Variants in NAALADL2 observed in about 807,000 individuals in gnomAD.
NAALADL2 encodes the protein inactive N-acetylated-alpha-linked acidic dipeptidase-like protein 2.
In NAALADL2, 76 loss-of-function variants were observed where a neutral mutation model predicts 87.2. The observed-to-expected ratio is 0.87, with a 90% CI of 0.72 to 1.05. NAALADL2 has a LOEUF of 1.05. NAALADL2 is among the 50% of genes least tolerant of loss of function. The pLI, the probability that NAALADL2 is intolerant of heterozygous loss-of-function variation, is 0.00. For synonymous variants in NAALADL2, 354 were observed against 331.0 expected (o/e 1.07, Z -0.75); for missense variants, 1,089 against 945.8 (o/e 1.15, Z -1.99).
chr3:174,662,129 AAAAT>A lies in NAALADL2; in HGVS notation c.-114-75511_-114-75508del, dbSNP rs1725563217. On this transcript the variant is annotated intron_variant, in intron 2 of 3. Coordinates refer to the NAALADL2 transcript ENST00000434257. ...ACAAAGTTATTTTGAAAATTTAAAA[AAAAT>A]TATCTAAATCTCCTAGCACAGGCCC... is the stretch of plus-strand genomic sequence containing the variant. Among the ~76,000 whole-genome samples, 3 of 152,290 alleles carry A rather than the reference AAAAT, an allele frequency of 2.0e-5. No individual in the cohort carries two copies. The South Asian group carries it at 6.2e-4, about 32-fold the overall frequency.
At chr3:174,503,193 C>T (rs1424730603) in intron 1 of NAALADL2, among the ~76,000 whole-genome samples, 3 of 152,076 alleles carry the variant, frequency 2.0e-5, no homozygotes, top group Non-Finnish European at 4.4e-5. Flanking sequence ...CATCAAGGGA[C>T]ATATAGGACA....
At chr3:174,855,980 GTATATATATA>G (rs57039020), upstream of NAALADL2, among the ~76,000 whole-genome samples, 2 of 142,904 alleles carry the variant, frequency 1.4e-5, no homozygotes, top group African/African-American at 5.3e-5. Flanking sequence ...GTGTGTGTGT[GTATATATATA>G]TATATATATA....
Position 174,979,595 on chromosome 3 carries a change from A to G in NAALADL2, c.44-117195A>G, listed in dbSNP as rs569474805. ...GCTGGGATTACAGGCGTGAACCACC[A>G]CACCCAGCCCATTTTGTTTCTTTCT... On this transcript the variant is annotated intron_variant, in intron 1 of 13. Transcript: ENST00000454872. Among the ~76,000 whole-genome samples the G allele has an allele frequency of 3.2e-4, 49 of 151,930 alleles. No individual in the cohort carries two copies. The East Asian group carries it at 8.7e-3, about 27-fold the overall frequency.
At chr3:175,040,240 C>T (rs1560504974) in intron 1 of NAALADL2, among the ~76,000 whole-genome samples, 1 of 152,168 alleles carries the variant, frequency 6.6e-6, no homozygotes, top group Non-Finnish European at 1.5e-5. Context: ...CATCAAAACA[C>T]CCAACCTCAG....
chr3:175,781,818 G>A (rs1437277168), intron 13 of NAALADL2, among the ~76,000 whole-genome samples: 28 of 151,582 alleles, frequency 1.8e-4, no homozygotes, highest in Non-Finnish European at 2.5e-4. Flanking sequence ...CCACTAACTC[G>A]TCATCTAGCA....
intron 4 of NAALADL2, among the ~76,000 whole-genome samples, chr3:175,284,398 T>C (rs1376719392): frequency 6.6e-6 from 1 of 152,072 alleles, no homozygotes; most frequent in Non-Finnish European, 1.5e-5. Context: ...TATACTATTA[T>C]ATTCTGATTA....
intron 3 of NAALADL2, among the ~76,000 whole-genome samples, chr3:174,805,930 A>G (rs919228678): frequency 3.3e-5 from 5 of 152,184 alleles, no homozygotes; most frequent in African/African-American, 1.2e-4. Context: ...GAATTATTCT[A>G]TAATTTTTAA....
chr3:174,529,321 C>T (rs1231553715), intron 1 of NAALADL2, among the ~76,000 whole-genome samples: 1 of 152,184 alleles, frequency 6.6e-6, no homozygotes, highest in Non-Finnish European at 1.5e-5. Flanking sequence ...GAGGTGGGTT[C>T]CCATGGTCTT....
intron 2 of NAALADL2, among the ~76,000 whole-genome samples, chr3:175,216,888 C>T (rs897799099): frequency 2.0e-5 from 3 of 151,918 alleles, no homozygotes; most frequent in Non-Finnish European, 4.4e-5. Context: ...AGGCTGGTCT[C>T]GAACTCCTGA....
At chr3:175,435,507 C>T (rs1362314392) in intron 5 of NAALADL2, among the ~76,000 whole-genome samples, 1 of 152,010 alleles carries the variant, frequency 6.6e-6, no homozygotes, top group Non-Finnish European at 1.5e-5. Context: ...TTAATCAAAA[C>T]ATTTTAACAT....
chr3:175,197,822 G>A (rs568754736), intron 2 of NAALADL2, among the ~76,000 whole-genome samples: 56 of 152,098 alleles, frequency 3.7e-4, no homozygotes, highest in African/African-American at 1.3e-3. Flanking sequence ...GAGAGTAAAG[G>A]CAGGAAGCCA....
intron 9 of NAALADL2, among the ~76,000 whole-genome samples, chr3:175,490,211 T>G (rs1021888312): frequency 6.6e-6 from 1 of 152,090 alleles, no homozygotes; most frequent in African/African-American, 2.4e-5. Context: ...TGTAATGGTG[T>G]GAAGATAGGT....
chr3:175,355,022 A>ATATG (rs1230276546), intron 5 of NAALADL2, among the ~76,000 whole-genome samples: 41 of 139,438 alleles, frequency 2.9e-4, no homozygotes, highest in African/African-American at 8.8e-4. Flanking sequence ...CTATATATAT[A>ATATG]TGTGTGTGTG....
intron 2 of NAALADL2, among the ~76,000 whole-genome samples, chr3:174,560,362 A>G (rs1713440467): frequency 6.6e-6 from 1 of 152,216 alleles, no homozygotes; most frequent in African/African-American, 2.4e-5. Context: ...ACAGACTAGG[A>G]CTTGATAATT....
chr3:175,561,336 C>T (rs62288384), intron 9 of NAALADL2, among the ~76,000 whole-genome samples: 19,720 of 152,022 alleles, frequency 0.13, 1,377 homozygotes, highest in Middle Eastern at 0.17. Flanking sequence ...CTGTGTTGTT[C>T]AGGGAATAAT....
At chr3:175,137,987 T>C (rs1327589083) in intron 2 of NAALADL2, among the ~76,000 whole-genome samples, 1 of 152,212 alleles carries the variant, frequency 6.6e-6, no homozygotes, top group Non-Finnish European at 1.5e-5. Context: ...TCCAAAAGAA[T>C]GTTTTACCAC....
chr3:174,870,557 T>C (rs1041639409), intron 1 of NAALADL2, among the ~76,000 whole-genome samples: 1 of 151,784 alleles, frequency 6.6e-6, no homozygotes, highest in Non-Finnish European at 1.5e-5. Flanking sequence ...GTTTGTGTCA[T>C]TATCTTGTTA....
In NAALADL2 at chr3:174,541,404, T is replaced by TA. The variant is rs542577014; in HGVS notation, c.-183-9164dup. 3.2e-3 allele frequency among the ~76,000 whole-genome samples: 488 copies of TA among 152,290 alleles called. 4 individuals are homozygous for TA. Among genetic ancestry groups the TA allele is most frequent in the African/African-American group, 0.011 (466 of 41,564 alleles). The stretch of plus-strand genomic sequence containing the variant: ...TGGAATGTGTGACAACATAGCTTGA[T>TA]ATATGCTAAAAGCACAGGTGTCAGA... On this transcript the variant is annotated intron_variant, in intron 1 of 3. Transcript: ENST00000434257.
chr3:174,526,182 C>T (rs1009369639), intron 1 of NAALADL2, among the ~76,000 whole-genome samples: 1 of 152,190 alleles, frequency 6.6e-6, no homozygotes, highest in African/African-American at 2.4e-5. Flanking sequence ...GTATTCACCT[C>T]CCACTTTCGT....
Sources: gnomAD v4.1 joint callset for allele counts (sites outside exome capture counted in the v4.1 genomes callset) on GRCh38, gnomAD v4.1.1 for gene constraint, MANE v1.5 for transcripts, NCBI Gene and HGNC (gene_info 2026-07-23, HGNC 2026-07-21) for gene names.